Variants in NSUN3 observed in about 807,000 individuals in gnomAD.
NSUN3 encodes the protein NOP2/Sun RNA methyltransferase 3.
Under a neutral mutation model 36.8 loss-of-function variants are expected in NSUN3, and 24 were observed. The observed-to-expected ratio is 0.65, with a 90% confidence interval of 0.47 to 0.92. The LOEUF is 0.92. Among genes scored for constraint, NSUN3 ranks in the 40% least tolerant of loss-of-function variants. The probability of loss-of-function intolerance (pLI) is 0.00; values close to 1 mark genes in which losing one functional copy is unlikely to be tolerated. For synonymous variants in NSUN3, 146 were observed against 145.2 expected (o/e 1.01, Z -0.04); for missense variants, 381 against 392.8 (o/e 0.97, Z 0.25).
At chr3:94,073,838 C>T (rs748622144) in intron 2 of NSUN3, among the ~76,000 whole-genome samples, 15 of 152,116 alleles carry the variant, frequency 9.9e-5, no homozygotes, top group Non-Finnish European at 2.1e-4. Context: ...CTTTTGCTGC[C>T]GTTGCTTTTG....
At chr3:94,077,886 C>T (rs1350754247) in intron 2 of NSUN3, among the ~76,000 whole-genome samples, 2 of 152,116 alleles carry the variant, frequency 1.3e-5, no homozygotes, top group Non-Finnish European at 2.9e-5. Context: ...TTTCAAAAAA[C>T]CAGCTCCTGG....
rs759957996 is a variant in NSUN3, at chr3:94,095,017, T to C, written c.622-16T>C. ...TGTCAGTGCATATTTGCATCACTTG[T>C]CTTTTTTTTCTCTAGGTGTTAGTGG... On this transcript the variant is annotated splice_polypyrimidine_tract_variant and intron_variant, in intron 4 of 5. Coordinates refer to ENST00000314622, the MANE Select transcript of NSUN3 (RefSeq NM_022072.5). 2 of 1,613,190 alleles carry C rather than the reference T, an allele frequency of 1.2e-6. No individual in the cohort carries two copies. Among genetic ancestry groups the C allele is most frequent in the Non-Finnish European group, 1.7e-6 (2 of 1,179,380 alleles).
chr3:94,075,166 T>C (rs1288768576), intron 2 of NSUN3, among the ~76,000 whole-genome samples: 2 of 152,112 alleles, frequency 1.3e-5, no homozygotes, highest in African/African-American at 4.8e-5. Flanking sequence ...GATTCAGTCT[T>C]CTCAATTTGA....
rs974437311 is a variant in NSUN3, at chr3:94,129,294, C to T, written c.*2804C>T. On this transcript the variant is annotated 3_prime_UTR_variant, in exon 6 of 6. Transcript: ENST00000314622. ...TTGATTGAATAAAGGAAATGTGGTA[C>T]ATATACCTCGTGTAATATTACACAG... is the stretch of plus-strand genomic sequence containing the variant. Among the ~76,000 whole-genome samples, 1 of 152,190 alleles carries T rather than the reference C, an allele frequency of 6.6e-6. No individual in the cohort carries two copies. Among genetic ancestry groups the T allele is most frequent in the Non-Finnish European group, 1.5e-5 (1 of 68,028 alleles).
chr3:94,088,670 CT>C lies in NSUN3; in HGVS notation c.466+4239del, dbSNP rs747748539. On this transcript the variant is annotated intron_variant, in intron 3 of 5. Transcript: ENST00000314622. ...GTGTCCTGGAGCATAGGGACAGATCCTTTTTTTTTTTTTTTTTTTAGACATA... is the reference window on the plus strand; with the variant it reads ...GTGTCCTGGAGCATAGGGACAGATCCTTTTTTTTTTTTTTTTTTAGACATA... Among the ~76,000 whole-genome samples, 958 of 132,432 alleles carry C rather than the reference CT, an allele frequency of 7.2e-3. 3 individuals are homozygous for C. The highest frequency in any genetic ancestry group is 0.019 in the Middle Eastern group (5 of 262). 86.9% of individuals were successfully genotyped at this position (132,432 alleles called of 152,430 possible).
chr3:94,077,102 T>C, intron 2 of NSUN3: 1 of 775,416 alleles, frequency 1.3e-6, no homozygotes, highest in South Asian at 1.4e-5. Flanking sequence ...GTGTTCTTTT[T>C]CCATATTTTG....
At chr3:94,081,471 A>G (rs966798664) in intron 2 of NSUN3, 3 of 152,152 alleles carry the variant, frequency 2.0e-5, no homozygotes, top group Admixed American at 6.5e-5. Context: ...ACCTTATCAT[A>G]TTATACTTGG....
chr3:94,126,332 A>G lies in NSUN3; in HGVS notation c.865A>G (p.Met289Val). ...AAACTCCCACGGTAACATCATGCCT[A>G]TGGACATTAAAGGAATAGCAAGGAC... ...ILNSHGNIMPMDIKGIARTCS... is the reference protein window; with the variant it reads ...ILNSHGNIMPVDIKGIARTCS... Residue 289 changes from methionine (M) to valine (V), a missense_variant, in exon 6 of 6, where the codon ATG becomes GTG. Met to Val is a conservative substitution (Grantham distance 21). Coordinates refer to ENST00000314622, the MANE Select transcript of NSUN3 (RefSeq NM_022072.5). The G allele has an allele frequency of 3.1e-6, 5 of 1,614,132 alleles. No individual in the cohort carries two copies. The highest frequency in any genetic ancestry group is 2.2e-5 in the East Asian group (1 of 44,872).
intron 5 of NSUN3, among the ~76,000 whole-genome samples, chr3:94,122,170 A>G (rs1576103633): frequency 6.6e-6 from 1 of 151,746 alleles, no homozygotes; most frequent in East Asian, 1.9e-4. Context: ...AAAAAAAAAA[A>G]ACAATTTAAG....
chr3:94,126,519 T>G lies in NSUN3; in HGVS notation c.*29T>G. ...GAATTTGTAAACTGTGTTTATGTGT[T>G]ATTATATTTATATTTCTGAACTCAG... On this transcript the variant is annotated 3_prime_UTR_variant, in exon 6 of 6. Coordinates refer to ENST00000314622, the MANE Select transcript of NSUN3 (RefSeq NM_022072.5). 2.6e-6 allele frequency: 4 copies of G among 1,568,600 alleles called. No homozygotes were observed. The highest frequency in any genetic ancestry group is 2.6e-6 in the Non-Finnish European group (3 of 1,150,464).
intron 5 of NSUN3, among the ~76,000 whole-genome samples, chr3:94,111,256 C>A (rs1296619700): frequency 6.6e-6 from 1 of 152,082 alleles, no homozygotes; most frequent in African/African-American, 2.4e-5. Flanking sequence ...ATGAAGGGAG[C>A]TTGCAGGACT....
intron 3 of NSUN3, among the ~76,000 whole-genome samples, chr3:94,087,886 C>G (rs2077298919): frequency 2.0e-5 from 3 of 152,222 alleles, no homozygotes; most frequent in Admixed American, 2.0e-4. Flanking sequence ...CCAGGCTGGC[C>G]TCGAACTCCT....
At chr3:94,117,702 T>A (rs1235883589) in intron 5 of NSUN3, among the ~76,000 whole-genome samples, 1 of 152,218 alleles carries the variant, frequency 6.6e-6, no homozygotes, top group Non-Finnish European at 1.5e-5. Context: ...AAAATCATTT[T>A]CTACTATATA....
intron 3 of NSUN3, among the ~76,000 whole-genome samples, chr3:94,086,269 G>A (rs946847075): frequency 3.3e-5 from 5 of 152,128 alleles, no homozygotes; most frequent in African/African-American, 9.7e-5. Flanking sequence ...CTGATGTGTT[G>A]AACTGCCCTT....
intron 5 of NSUN3, among the ~76,000 whole-genome samples, chr3:94,109,371 A>G (rs1018868851): frequency 6.6e-6 from 1 of 152,198 alleles, no homozygotes; most frequent in African/African-American, 2.4e-5. Flanking sequence ...AAGTATTGCT[A>G]GCTATGTATC....
At chr3:94,123,214 C>T (rs1036541271) in intron 5 of NSUN3, among the ~76,000 whole-genome samples, 2 of 152,298 alleles carry the variant, frequency 1.3e-5, no homozygotes, top group African/African-American at 4.8e-5. Context: ...AGGCCTCCCA[C>T]GCAGCTCTCA....
chr3:94,125,281 C>G (rs895787071), intron 5 of NSUN3, among the ~76,000 whole-genome samples: 1 of 152,024 alleles, frequency 6.6e-6, no homozygotes, highest in Non-Finnish European at 1.5e-5. Context: ...TCTAGCAATC[C>G]TTGGTTATAC....
At chr3:94,110,997 G>A (rs534965448) in intron 5 of NSUN3, among the ~76,000 whole-genome samples, 166 of 152,208 alleles carry the variant, frequency 1.1e-3, no homozygotes, top group African/African-American at 3.8e-3. Flanking sequence ...ACCTTGGGAA[G>A]CCATCATAGT....
intron 2 of NSUN3, among the ~76,000 whole-genome samples, chr3:94,079,395 A>G (rs911589367): frequency 2.0e-5 from 3 of 152,014 alleles, no homozygotes; most frequent in Admixed American, 1.3e-4. Flanking sequence ...TAATCTGACA[A>G]TTATGTGCCT....
Sources: allele counts gnomAD v4.1 joint callset (sites outside exome capture counted in the v4.1 genomes callset), GRCh38; gene constraint gnomAD v4.1.1; transcripts MANE v1.5; gene names NCBI Gene and HGNC (gene_info 2026-07-23, HGNC 2026-07-21).